Variants in HADHA observed in about 807,000 individuals in gnomAD.
HADHA encodes the protein trifunctional enzyme subunit alpha, mitochondrial.
HADHA carries 59 observed loss-of-function variants against 91.3 expected under a neutral mutation model. The observed-to-expected ratio is 0.65, with a 90% CI of 0.52 to 0.80. The LOEUF (loss-of-function observed/expected upper bound fraction) is 0.80, where lower values mean the gene tolerates loss of function less well. HADHA is among the 30% of genes least tolerant of loss of function. HADHA has a pLI of 0.00. For synonymous variants in HADHA, 320 were observed against 338.9 expected (o/e 0.94, Z 0.61); for missense variants, 800 against 927.6 (o/e 0.86, Z 1.79).
At chr2:26,231,209 C>T (rs1352621459) in intron 6 of HADHA, among the ~76,000 whole-genome samples, 23 of 152,116 alleles carry the variant, frequency 1.5e-4, no homozygotes, top group Admixed American at 1.4e-3. Context: ...AAGGAAAGCA[C>T]ATTATTATTA....
chr2:26,222,271 A>G (rs1670392803), intron 7 of HADHA, among the ~76,000 whole-genome samples: 1 of 152,150 alleles, frequency 6.6e-6, no homozygotes, highest in Non-Finnish European at 1.5e-5. Flanking sequence ...ACCTGCTAAC[A>G]CCTGATCTTA....
At chr2:26,232,029 G>T in intron 6 of HADHA, 131 bp downstream of exon 6, 1 of 714,096 alleles carries the variant, frequency 1.4e-6, no homozygotes. Flanking sequence ...AATAAAGTCT[G>T]TCACTGATCC....
chr2:26,193,086 A>G (rs1669558269), intron 17 of HADHA, among the ~76,000 whole-genome samples: 1 of 152,080 alleles, frequency 6.6e-6, no homozygotes, highest in African/African-American at 2.4e-5. Context: ...GTGAGCTTAT[A>G]CATTCTCCTC....
At chr2:26,206,226 A>AT (rs35956519) in intron 11 of HADHA, among the ~76,000 whole-genome samples, 20,910 of 139,588 alleles carry the variant, frequency 0.15, 1,817 homozygotes, top group Middle Eastern at 0.22. Context: ...CAGACTGGCA[A>AT]TTTTTTTTTT....
chr2:26,199,303 G>A (rs1031682188), intron 13 of HADHA: 5 of 152,524 alleles, frequency 3.3e-5, no homozygotes, highest in African/African-American at 1.2e-4. Flanking sequence ...AGGAGTTCAA[G>A]GTTACAGTGA....
chr2:26,230,151 T>C (rs1202301504), intron 7 of HADHA, 41 bp downstream of exon 7: 3 of 1,245,596 alleles, frequency 2.4e-6, no homozygotes, highest in Admixed American at 1.7e-5. Flanking sequence ...AGAAAATAAG[T>C]AACTTTATAA....
intron 7 of HADHA, among the ~76,000 whole-genome samples, chr2:26,216,222 T>A (rs1314765828): frequency 6.6e-6 from 1 of 151,940 alleles, no homozygotes; most frequent in African/African-American, 2.4e-5. Flanking sequence ...AAAATGGCAA[T>A]CTTGTGCAGT....
chr2:26,191,441 T>G, intron 19 of HADHA, 42 bp downstream of exon 19: 1 of 1,614,120 alleles, frequency 6.2e-7, no homozygotes, highest in East Asian at 2.2e-5. Flanking sequence ...CAACACGGGC[T>G]CCAGGCTAAA....
intron 13 of HADHA, among the ~76,000 whole-genome samples, 184 bp downstream of exon 13, chr2:26,200,965 C>T (rs1003236244): frequency 2.0e-5 from 3 of 152,146 alleles, no homozygotes; most frequent in African/African-American, 7.2e-5. Context: ...AACTCCTTAC[C>T]TCGTGATCCG....
At chr2:26,211,015 T>C (rs897094308) in intron 10 of HADHA, among the ~76,000 whole-genome samples, 2 of 152,192 alleles carry the variant, frequency 1.3e-5, no homozygotes, top group African/African-American at 4.8e-5. Flanking sequence ...GAACATAAAA[T>C]GACAACACAA....
At chr2:26,197,603 CTG>C in intron 14 of HADHA, 86 bp downstream of exon 14, 1 of 781,362 alleles carries the variant, frequency 1.3e-6, no homozygotes, top group Non-Finnish European at 2.3e-6. Flanking sequence ...CCGTAATCCA[CTG>C]TCTCTTCTGT....
chr2:26,195,006 A>G (rs969196745), intron 15 of HADHA, 86 bp downstream of exon 15: 7 of 1,148,166 alleles, frequency 6.1e-6, no homozygotes, highest in African/African-American at 6.1e-5. Context: ...CATTTGCCCC[A>G]GAATATTTAT....
chr2:26,195,074 T>C lies in HADHA; in HGVS notation c.1620+18A>G. ...GAACTTTTCAAAAACTCTGCAGCTCTGTTATACAGCCCCTTACCTTAACCA... is the reference window on the plus strand; with the variant it reads ...GAACTTTTCAAAAACTCTGCAGCTCCGTTATACAGCCCCTTACCTTAACCA... On this transcript the variant is annotated intron_variant, in intron 15 of 19. Coordinates refer to ENST00000380649, the MANE Select transcript of HADHA (RefSeq NM_000182.5). The C allele has an allele frequency of 6.2e-7, 1 of 1,606,450 alleles. No homozygotes were observed. Among genetic ancestry groups the C allele is most frequent in the Non-Finnish European group, 8.5e-7 (1 of 1,173,018 alleles).
Position 26,190,978 on chromosome 2 carries a change from TTCA to T in HADHA, c.*269_*271del. Reference sequence around the variant, plus strand: ...TGGGAGGAACAGGCAGAGAGGTGGCTTCAGATGGCTCTTGGCTGCCACTCTAGG... The same window carrying T: ...TGGGAGGAACAGGCAGAGAGGTGGCTGATGGCTCTTGGCTGCCACTCTAGG... On this transcript the variant is annotated 3_prime_UTR_variant, in exon 20 of 20. Transcript: ENST00000380649. 1.8e-6 allele frequency: 1 copy of T among 550,378 alleles called. No homozygotes were observed. Among genetic ancestry groups the T allele is most frequent in the Non-Finnish European group, 3.3e-6 (1 of 305,700 alleles). The allele number at this position is 550,378 out of a possible 1,614,324, so 34.1% of individuals were successfully genotyped here.
chr2:26,191,723 G>A, intron 18 of HADHA, 95 bp from the exon 19 acceptor site: 1 of 1,300,768 alleles, frequency 7.7e-7, no homozygotes, highest in Non-Finnish European at 1.1e-6. Context: ...TGGGTGCATG[G>A]GGAGCTCTGT....
At chr2:26,201,042 C>A (rs1332938161) in intron 13 of HADHA, 107 bp downstream of exon 13, 3 of 866,784 alleles carry the variant, frequency 3.5e-6, no homozygotes, top group Non-Finnish European at 1.9e-6. Flanking sequence ...TTTGAATAGT[C>A]CTTTTTATAA....
chr2:26,198,495 T>C (rs375151108), intron 13 of HADHA, among the ~76,000 whole-genome samples: 1 of 151,340 alleles, frequency 6.6e-6, no homozygotes, highest in African/African-American at 2.4e-5. Flanking sequence ...ATTCAGATGG[T>C]TGGATGAGAA....
Position 26,238,945 on chromosome 2 carries a change from G to T in HADHA, c.169C>A (p.Pro57Thr). The T allele has an allele frequency of 6.3e-7, 1 of 1,599,588 alleles. No homozygotes were observed. Among genetic ancestry groups the T allele is most frequent in the Non-Finnish European group, 8.6e-7 (1 of 1,168,092 alleles). ...ATTAAATGAGATACCTTTGAATTGGGAGAGTTAATTCGAACAACTGCCACA... is the reference window on the plus strand; with the variant it reads ...ATTAAATGAGATACCTTTGAATTGGTAGAGTTAATTCGAACAACTGCCACA... ...GDVAVVRINSPNSKVNTLSKE... is the reference protein window; with the variant it reads ...GDVAVVRINSTNSKVNTLSKE... The change falls in exon 3 of 20, where the codon CCC (proline) becomes ACC (threonine). Residue 57 changes from proline (P) to threonine (T), a missense_variant. Pro to Thr is a conservative substitution (Grantham distance 38). Transcript: ENST00000380649.
At chr2:26,241,819 G>T (rs1478899427) in intron 1 of HADHA, among the ~76,000 whole-genome samples, 1 of 152,124 alleles carries the variant, frequency 6.6e-6, no homozygotes, top group Non-Finnish European at 1.5e-5. Context: ...ACATACTCTG[G>T]TCAAGAAGTG....
Sources: gnomAD v4.1 joint callset for allele counts (sites outside exome capture counted in the v4.1 genomes callset) on GRCh38, gnomAD v4.1.1 for gene constraint, MANE v1.5 for transcripts, NCBI Gene and HGNC (gene_info 2026-07-23, HGNC 2026-07-21) for gene names.